The following LRRC58 variants were observed in gnomAD, a reference collection of about 807,000 sequenced individuals.
LRRC58 encodes the protein leucine rich repeat containing 58.
A neutral mutation model predicts 30.6 loss-of-function variants in LRRC58; 18 were observed. The observed-to-expected ratio is 0.59, with a 90% CI of 0.41 to 0.87. LRRC58 has a LOEUF of 0.87. LRRC58 is among the 40% of genes least tolerant of loss of function. The pLI, the probability that LRRC58 is intolerant of heterozygous loss-of-function variation, is 0.00. For missense variants in LRRC58, 420 were observed against 468.4 expected (o/e 0.90, Z 0.95); for synonymous variants, 221 against 206.0 (o/e 1.07, Z -0.62).
At chr3:120,334,793 T>C in intron 3 of LRRC58, 69 bp downstream of exon 3, 2 of 1,377,226 alleles carry the variant, frequency 1.5e-6, no homozygotes, top group Non-Finnish European at 2.0e-6. Context: ...TGCTTTTGTC[T>C]GAAAGAAGAC....
At chr3:120,337,280 T>TC (rs1381988999) in intron 1 of LRRC58, among the ~76,000 whole-genome samples, 1 of 152,196 alleles carries the variant, frequency 6.6e-6, no homozygotes, top group Non-Finnish European at 1.5e-5. Context: ...CCTAGTATTA[T>TC]CACCAGCATT....
intron 1 of LRRC58, among the ~76,000 whole-genome samples, chr3:120,347,585 G>T (rs1216622210): frequency 1.3e-5 from 2 of 150,222 alleles, no homozygotes; most frequent in African/African-American, 2.4e-5. Flanking sequence ...TAGAGACGGG[G>T]TTTCACCTTG....
Position 120,335,091 on chromosome 3 carries a change from A to G in LRRC58, c.678T>C (p.Tyr226=), listed in dbSNP as rs373417962. ...SLSLHNNLLT[Y]LPREILNLIH... is the part of the protein sequence containing the mutation. ...TAAGGTTGAGGATCTCTCGAGGCAG[A>G]TATGTCAGCAAGTTATTGTGAAGAC... Residue 226 remains tyrosine, a synonymous_variant, in exon 3 of 4, where the codon TAT becomes TAC. Coordinates refer to ENST00000295628, the MANE Select transcript of LRRC58 (RefSeq NM_001099678.2). 1.2e-5 allele frequency: 20 copies of G among 1,613,970 alleles called. No individual in the cohort carries two copies. Among genetic ancestry groups the G allele is most frequent in the Non-Finnish European group, 1.6e-5 (19 of 1,179,840 alleles).
chr3:120,334,909 A>G lies in LRRC58; in HGVS notation c.860T>C (p.Leu287Pro), dbSNP rs1328412261. ...YTPYDLPGNL[L>P]RYLGSASNCP... The stretch of plus-strand genomic sequence containing the variant: ...ATTGCTGGCTGAACCCAAGTATCTA[A>G]GAAGATTTCCAGGAAGATCATAGGG... Residue 287 changes from leucine to proline, a missense_variant, in exon 3 of 4, where the codon CTT becomes CCT. Coordinates refer to ENST00000295628, the MANE Select transcript of LRRC58 (RefSeq NM_001099678.2). 1 of 1,613,812 alleles carries G rather than the reference A, an allele frequency of 6.2e-7. No homozygotes were observed. Among genetic ancestry groups the G allele is most frequent in the East Asian group, 2.2e-5 (1 of 44,870 alleles).
chr3:120,341,021 A>AT (rs1935898683), intron 1 of LRRC58, among the ~76,000 whole-genome samples: 1 of 152,230 alleles, frequency 6.6e-6, no homozygotes, highest in African/African-American at 2.4e-5. Flanking sequence ...TAAGCAGATA[A>AT]CTTTAATTTT....
chr3:120,349,019 C>G lies in LRRC58; in HGVS notation c.225G>C (p.Val75=). 1.3e-6 allele frequency: 2 copies of G among 1,519,392 alleles called. No individual in the cohort carries two copies. The highest frequency in any genetic ancestry group is 1.8e-6 in the Non-Finnish European group (2 of 1,140,962). 94.1% of individuals were successfully genotyped at this position (1,519,392 alleles called of 1,614,324 possible). ...SGFPHLQLLD[V]SGNALTALGP... is the part of the protein sequence containing the mutation. ...CGAGCGCGGTCAACGCGTTGCCGCTCACGTCCAGCAGCTGGAGGTGCGGGA... is the reference window on the plus strand; with the variant it reads ...CGAGCGCGGTCAACGCGTTGCCGCTGACGTCCAGCAGCTGGAGGTGCGGGA... Residue 75 remains valine, a synonymous_variant, in exon 1 of 4, where the codon GTG becomes GTC. Transcript: ENST00000295628.
Position 120,336,188 on chromosome 3 carries a change from G to T in LRRC58, c.501-235C>A, listed in dbSNP as rs140479677. Reference sequence around the variant, plus strand: ...ACATTATAATGAAACACAAAACAAGGCCAAAAATAGGCATTACAATACCAA... The same window carrying T: ...ACATTATAATGAAACACAAAACAAGTCCAAAAATAGGCATTACAATACCAA... On this transcript the variant is annotated intron_variant, in intron 1 of 3. Transcript: ENST00000295628. Among the ~76,000 whole-genome samples, 3 of 152,138 alleles carry T rather than the reference G, an allele frequency of 2.0e-5. No homozygotes were observed. The East Asian group carries it at 5.8e-4, about 29-fold the overall frequency.
At chr3:120,347,602 A>T (rs903355445) in intron 1 of LRRC58, among the ~76,000 whole-genome samples, 4 of 150,706 alleles carry the variant, frequency 2.7e-5, no homozygotes, top group Non-Finnish European at 5.9e-5. Context: ...CTTGTTAGCC[A>T]GGATGGTCTC....
rs542719669 is a variant in LRRC58 at position 120,337,036 on chromosome 3, C to T, written c.501-1083G>A. The stretch of plus-strand genomic sequence containing the variant: ...GAGAAAACAGCCTACTAAAGGGTTA[C>T]CCAAACTTCCATGGTAAGAATTCCC... On this transcript the variant is annotated intron_variant, in intron 1 of 3. Transcript: ENST00000295628. 6.6e-5 allele frequency among the ~76,000 whole-genome samples: 10 copies of T among 152,090 alleles called. 1 individual carries two copies. In the South Asian group the frequency reaches 1.7e-3, roughly 25 times the overall value.
In LRRC58 at chr3:120,324,951, T is replaced by C. The variant is rs1935653590; in HGVS notation, c.*6249A>G. On this transcript the variant is annotated 3_prime_UTR_variant, in exon 4 of 4. Coordinates refer to ENST00000295628, the MANE Select transcript of LRRC58 (RefSeq NM_001099678.2). ...AATTAAGAAATCAGATCATAAAAAG[T>C]AATTTGACCCAAGTAAAAGTATGTT... 1 of 152,200 alleles carries C rather than the reference T, an allele frequency of 6.6e-6. No individual in the cohort carries two copies. The highest frequency in any genetic ancestry group is 2.1e-4 in the South Asian group (1 of 4,834). The allele number at this position is 152,200 out of a possible 1,614,324, so 9.4% of individuals were successfully genotyped here. A position where few individuals can be genotyped will look rare whatever the true frequency, so the allele number is the denominator to read the frequency against.
chr3:120,331,437 C>A, intron 3 of LRRC58, 29 bp from the exon 4 acceptor site: 1 of 1,531,042 alleles, frequency 6.5e-7, no homozygotes, highest in South Asian at 1.1e-5. Flanking sequence ...AGAAAGTAAT[C>A]ATTACAAAGC....
rs1325274878 is a variant in LRRC58, at chr3:120,325,918, T to C, written c.*5282A>G. 4 of 152,146 alleles carry C rather than the reference T, an allele frequency of 2.6e-5. No homozygotes were observed. The highest frequency in any genetic ancestry group is 6.5e-5 in the Admixed American group (1 of 15,272). 9.4% of individuals were successfully genotyped at this position (152,146 alleles called of 1,614,324 possible). ...GACAGAATGCATGGTAGAGGTTCCC[T>C]CCCCAGAAGTCCTAGACTGATACAC... On this transcript the variant is annotated 3_prime_UTR_variant, in exon 4 of 4. Transcript: ENST00000295628.
chr3:120,330,093 T>C lies in LRRC58; in HGVS notation c.*1107A>G, dbSNP rs1307238539. Reference sequence around the variant, plus strand: ...CTTTTCTCCATTTTTATTTGGCTTGTTGTGATGTTTTTCTAGTTGTATTAG... The same window carrying C: ...CTTTTCTCCATTTTTATTTGGCTTGCTGTGATGTTTTTCTAGTTGTATTAG... On this transcript the variant is annotated 3_prime_UTR_variant, in exon 4 of 4. Coordinates refer to ENST00000295628, the MANE Select transcript of LRRC58 (RefSeq NM_001099678.2). 2.6e-5 allele frequency: 4 copies of C among 152,124 alleles called. No homozygotes were observed. Among genetic ancestry groups the C allele is most frequent in the Admixed American group, 2.6e-4 (4 of 15,266 alleles). 9.4% of individuals were successfully genotyped at this position (152,124 alleles called of 1,614,324 possible). A position where few individuals can be genotyped will look rare whatever the true frequency, so the allele number is the denominator to read the frequency against.
In LRRC58 at chr3:120,331,219, T is replaced by C; in HGVS notation, c.1097A>G (p.Gln366Arg). Residue 366 changes from glutamine (Q) to arginine (R), a missense_variant, in exon 4 of 4, where the codon CAG (glutamine) becomes CGG (arginine). Gln to Arg is a conservative substitution (Grantham distance 43, BLOSUM62 1). This residue lies in a region of LRRC58 where 154 missense variants were observed against 216.8 expected (regional missense o/e 0.71). Coordinates refer to ENST00000295628, the MANE Select transcript of LRRC58 (RefSeq NM_001099678.2). ...TCCTGTTCAACCAAGAAGAACTTTC[T>C]GCATTCTGCGTGCAGCAACACTAGC... ...DEASVAARRM[Q>R]KVLLG 6.2e-7 allele frequency: 1 copy of C among 1,613,970 alleles called. No individual in the cohort carries two copies. Among genetic ancestry groups the C allele is most frequent in the Non-Finnish European group, 8.5e-7 (1 of 1,179,854 alleles).
rs528153479 is a variant in LRRC58 at position 120,329,524 on chromosome 3, G to A, written c.*1676C>T. 2.6e-5 allele frequency: 4 copies of A among 151,806 alleles called. No individual in the cohort carries two copies. Among genetic ancestry groups the A allele is most frequent in the East Asian group, 3.9e-4 (2 of 5,180 alleles). 9.4% of individuals were successfully genotyped at this position (151,806 alleles called of 1,614,324 possible). ...GTGAAGGGATTCATTCTATAGCAGCGTTTCACATCTGCAGTTCATGAAACT... is the reference window on the plus strand; with the variant it reads ...GTGAAGGGATTCATTCTATAGCAGCATTTCACATCTGCAGTTCATGAAACT... On this transcript the variant is annotated 3_prime_UTR_variant, in exon 4 of 4. Transcript: ENST00000295628.
At chr3:120,344,113 C>A (rs1935938545) in intron 1 of LRRC58, among the ~76,000 whole-genome samples, 1 of 151,612 alleles carries the variant, frequency 6.6e-6, no homozygotes, top group African/African-American at 2.4e-5. Flanking sequence ...ATACATTAAT[C>A]CTATCTTATA....
chr3:120,337,603 G>A (rs1468887358), intron 1 of LRRC58, among the ~76,000 whole-genome samples: 6 of 152,122 alleles, frequency 3.9e-5, no homozygotes, highest in Non-Finnish European at 7.4e-5. Flanking sequence ...AAAAGAACAT[G>A]TAGCTATTAT....
chr3:120,337,586 A>G (rs1935851362), intron 1 of LRRC58, among the ~76,000 whole-genome samples: 2 of 152,140 alleles, frequency 1.3e-5, no homozygotes, highest in African/African-American at 4.8e-5. Context: ...CATGTATTAT[A>G]TGTACAAAAA....
In LRRC58 at chr3:120,325,828, C is replaced by T. The variant is rs1334920211; in HGVS notation, c.*5372G>A. The T allele has an allele frequency of 6.6e-6, 1 of 152,126 alleles. No homozygotes were observed. Among genetic ancestry groups the T allele is most frequent in the Non-Finnish European group, 1.5e-5 (1 of 68,010 alleles). The allele number at this position is 152,126 out of a possible 1,614,324, so 9.4% of individuals were successfully genotyped here. A position where few individuals can be genotyped will look rare whatever the true frequency, so the allele number is the denominator to read the frequency against. ...GATAAATTTTTTAAATAATATATAACAGAACATATCTTTTCAGTGATTTTA... is the reference window on the plus strand; with the variant it reads ...GATAAATTTTTTAAATAATATATAATAGAACATATCTTTTCAGTGATTTTA... On this transcript the variant is annotated 3_prime_UTR_variant, in exon 4 of 4. Transcript: ENST00000295628.
Sources: allele counts gnomAD v4.1 joint callset (sites outside exome capture counted in the v4.1 genomes callset), GRCh38; gene constraint gnomAD v4.1.1; regional missense constraint gnomAD v4.1.1; transcripts MANE v1.5; gene names NCBI Gene and HGNC (gene_info 2026-07-23, HGNC 2026-07-21).